The following FMNL2 variants were observed in gnomAD, a reference collection of about 807,000 sequenced individuals.
The protein encoded by FMNL2 is formin like 2.
In FMNL2, 51 loss-of-function variants were observed where a neutral mutation model predicts 130.2. The ratio of observed to expected loss-of-function variants is 0.39; its 90% confidence interval spans 0.31 to 0.49. The LOEUF (loss-of-function observed/expected upper bound fraction) is 0.49, where lower values mean the gene tolerates loss of function less well. Among genes scored for constraint, FMNL2 ranks in the 20% least tolerant of loss-of-function variants. FMNL2 has a pLI of 0.85. For synonymous variants in FMNL2, 465 were observed against 467.1 expected (o/e 1.00, Z 0.06); for missense variants, 977 against 1,316.2 (o/e 0.74, Z 3.99).
rs1302427989 is a variant in FMNL2, at chr2:152,358,592, A to C, written c.117+22872A>C. Among the ~76,000 whole-genome samples the C allele has an allele frequency of 2.6e-5, 4 of 151,978 alleles. No individual in the cohort carries two copies. In the South Asian group the frequency reaches 6.2e-4, roughly 24 times the overall value. Reference sequence around the variant, plus strand: ...CTTGAACCTGCAAGGTGGAGGTTGCAGTAAGCCGAGATTGTGCCTGGGTGA... The same window carrying C: ...CTTGAACCTGCAAGGTGGAGGTTGCCGTAAGCCGAGATTGTGCCTGGGTGA... On this transcript the variant is annotated intron_variant, in intron 1 of 25. Transcript: ENST00000288670.
chr2:152,551,143 GA>G (rs5835434), intron 4 of FMNL2, among the ~76,000 whole-genome samples: 28,770 of 121,064 alleles, frequency 0.24, 3,726 homozygotes, highest in African/African-American at 0.42. Flanking sequence ...CCATCTCACC[GA>G]AAAAAAAAAA....
chr2:152,468,104 A>C (rs1558887872), intron 1 of FMNL2, among the ~76,000 whole-genome samples: 3 of 152,238 alleles, frequency 2.0e-5, no homozygotes, highest in African/African-American at 7.2e-5. Flanking sequence ...CTGAATGACA[A>C]AGCATAGAGT....
chr2:152,349,808 A>C (rs1682369783), intron 1 of FMNL2, among the ~76,000 whole-genome samples: 1 of 152,240 alleles, frequency 6.6e-6, no homozygotes, highest in Non-Finnish European at 1.5e-5. Flanking sequence ...ATTCTAGCTC[A>C]GTCCCAACCA....
chr2:152,629,667 G>A lies in FMNL2; in HGVS notation c.2412G>A (p.Ala804=), dbSNP rs753750853. ...TGATTGGAATCTAGCAACTACATGC[G>A]ATTATAGCAGCATCTGTCTCTATAA... is the stretch of plus-strand genomic sequence containing the variant. ...SIQMLTPQLH[A]IIAASVSIKS... is the part of the protein sequence containing the mutation. The change falls in exon 19 of 26, where the codon GCG becomes GCA. Residue 804 remains alanine, a synonymous_variant. Coordinates refer to ENST00000288670, the MANE Select transcript of FMNL2 (RefSeq NM_052905.4). The A allele has an allele frequency of 2.5e-6, 4 of 1,598,606 alleles. No individual in the cohort carries two copies. Among genetic ancestry groups the A allele is most frequent in the Admixed American group, 3.5e-5 (2 of 57,670 alleles).
chr2:152,511,375 G>A (rs1474963976), intron 1 of FMNL2, among the ~76,000 whole-genome samples: 1 of 152,148 alleles, frequency 6.6e-6, no homozygotes, highest in Non-Finnish European at 1.5e-5. Flanking sequence ...CAGGTTCCTG[G>A]GATAGAGATG....
At chr2:152,527,298 C>T in intron 2 of FMNL2, among the ~76,000 whole-genome samples, 1 of 152,026 alleles carries the variant, frequency 6.6e-6, no homozygotes, top group East Asian at 1.9e-4. Flanking sequence ...ACTTGATGGC[C>T]CCATTGTGTA....
rs1457500577 is a variant in FMNL2, at chr2:152,412,444, TTTTATATATATATATATATA to T, written c.117+76726_117+76745del. On this transcript the variant is annotated intron_variant, in intron 1 of 25. Coordinates refer to ENST00000288670, the MANE Select transcript of FMNL2 (RefSeq NM_052905.4). ...ATTTCCTCTTACTTTCTTCTGTATA[TTTTATATATATATATATATA>T]TATATATATATATATATATATATAT... is the stretch of plus-strand genomic sequence containing the variant. Among the ~76,000 whole-genome samples the T allele has an allele frequency of 7.0e-3, 724 of 103,342 alleles. 16 individuals are homozygous for T. The highest frequency in any genetic ancestry group is 0.02 in the East Asian group (58 of 2,876). 67.8% of individuals were successfully genotyped at this position (103,342 alleles called of 152,430 possible). A position where few individuals can be genotyped will look rare whatever the true frequency, so the allele number is the denominator to read the frequency against.
chr2:152,497,187 C>A (rs967006274), intron 1 of FMNL2, among the ~76,000 whole-genome samples: 32 of 152,218 alleles, frequency 2.1e-4, no homozygotes, highest in Non-Finnish European at 4.4e-5. Context: ...ATGTGAGAAA[C>A]CTGGTTGTCA....
At chr2:152,414,629 G>C (rs745349883) in intron 1 of FMNL2, among the ~76,000 whole-genome samples, 1 of 152,242 alleles carries the variant, frequency 6.6e-6, no homozygotes, top group East Asian at 1.9e-4. Flanking sequence ...GAATGACCAG[G>C]TCCACCTAAA....
intron 1 of FMNL2, among the ~76,000 whole-genome samples, chr2:152,489,978 C>A (rs1254179411): frequency 2.6e-5 from 4 of 152,086 alleles, no homozygotes; most frequent in African/African-American, 9.7e-5. Flanking sequence ...TAGTGATAAA[C>A]CACAAAGAAT....
At chr2:152,486,567 TC>T (rs1172435295) in intron 1 of FMNL2, among the ~76,000 whole-genome samples, 1 of 152,214 alleles carries the variant, frequency 6.6e-6, no homozygotes, top group African/African-American at 2.4e-5. Context: ...TTCACTTTCT[TC>T]CTTTGGCTTT....
chr2:152,599,031 A>C (rs1049721529), intron 9 of FMNL2, among the ~76,000 whole-genome samples: 1 of 152,186 alleles, frequency 6.6e-6, no homozygotes, highest in African/African-American at 2.4e-5. Flanking sequence ...GGGGAAGAAG[A>C]TGGATGTCCC....
At chr2:152,526,242 G>A (rs546220603) in intron 2 of FMNL2, among the ~76,000 whole-genome samples, 1 of 152,278 alleles carries the variant, frequency 6.6e-6, no homozygotes, top group South Asian at 2.1e-4. Flanking sequence ...TAAATGAGTA[G>A]TGACAGTGGT....
chr2:152,510,463 T>C (rs1692438485), intron 1 of FMNL2, among the ~76,000 whole-genome samples: 1 of 152,226 alleles, frequency 6.6e-6, no homozygotes, highest in Non-Finnish European at 1.5e-5. Flanking sequence ...TGCTCTTATG[T>C]CAGTTGTTTT....
chr2:152,615,544 A>G (rs1698903424), intron 12 of FMNL2, among the ~76,000 whole-genome samples: 2 of 152,190 alleles, frequency 1.3e-5, no homozygotes, highest in South Asian at 4.1e-4. Context: ...TGTCCTCAGT[A>G]TCGTTGTCAG....
chr2:152,619,135 C>A lies in FMNL2; in HGVS notation c.1604C>A (p.Pro535His). 8 of 1,580,900 alleles carry A rather than the reference C, an allele frequency of 5.1e-6. No individual in the cohort carries two copies. Among genetic ancestry groups the A allele is most frequent in the East Asian group, 2.2e-5 (1 of 44,476 alleles). Residue 535 changes from proline (P) to histidine (H), a missense_variant, in exon 14 of 26, where the codon CCC (proline) becomes CAC (histidine). Around this residue, in one of 4 missense-constraint regions of FMNL2, gnomAD observed 689 missense variants for 995.9 expected, o/e 0.69. Transcript: ENST00000288670. The part of the protein sequence containing the change: ...PLPPPPPPLP[P>H]SSDTPETVQN... Reference sequence around the variant, plus strand: ...CCCCCTCCTCCACCACCACTGCCTCCCTCATCAGACACACCTGAAACAGGT... The same window carrying A: ...CCCCCTCCTCCACCACCACTGCCTCACTCATCAGACACACCTGAAACAGGT...
chr2:152,481,705 A>G (rs1311708136), intron 1 of FMNL2, among the ~76,000 whole-genome samples: 2 of 152,150 alleles, frequency 1.3e-5, no homozygotes, highest in Middle Eastern at 3.2e-3. Flanking sequence ...TACGTGTAGG[A>G]TTGTCGTGAT....
chr2:152,571,859 C>T (rs1264326960), intron 6 of FMNL2, among the ~76,000 whole-genome samples: 1 of 150,888 alleles, frequency 6.6e-6, no homozygotes, highest in East Asian at 1.9e-4. Flanking sequence ...TTCATTTGAG[C>T]GGTTTGAATG....
chr2:152,486,173 C>T (rs1423379660), intron 1 of FMNL2, among the ~76,000 whole-genome samples: 1 of 152,176 alleles, frequency 6.6e-6, no homozygotes, highest in African/African-American at 2.4e-5. Flanking sequence ...CACCTTTCAG[C>T]TCTTTGGTAT....
Sources: allele counts gnomAD v4.1 joint callset (sites outside exome capture counted in the v4.1 genomes callset), GRCh38; gene constraint gnomAD v4.1.1; regional missense constraint gnomAD v4.1.1; transcripts MANE v1.5; gene names NCBI Gene and HGNC (gene_info 2026-07-23, HGNC 2026-07-21).